The following TSPAN18 variants were observed in gnomAD, a reference collection of about 807,000 sequenced individuals.
The protein encoded by TSPAN18 is tetraspanin 18.
Under a neutral mutation model 27.3 loss-of-function variants are expected in TSPAN18, and 14 were observed. The ratio of observed to expected loss-of-function variants is 0.51; its 90% CI spans 0.34 to 0.80. The LOEUF (loss-of-function observed/expected upper bound fraction) is 0.80, where lower values mean the gene tolerates loss of function less well. TSPAN18 is among the 30% of genes least tolerant of loss of function. TSPAN18 has a pLI of 0.01. For synonymous variants in TSPAN18, 143 were observed against 136.5 expected, an observed-to-expected ratio of 1.05 and a Z score of -0.33; for missense variants, 268 against 323.9, an observed-to-expected ratio of 0.83 and a Z score of 1.32.
chr11:44,871,057 G>A (rs1399638430), intron 3 of TSPAN18, among the ~76,000 whole-genome samples: 1 of 152,170 alleles, frequency 6.6e-6, no homozygotes, highest in African/African-American at 2.4e-5. Flanking sequence ...AGCTTGTAGG[G>A]AAGAGTTTCC....
chr11:44,743,540 C>T (rs376765517), intron 1 of TSPAN18, among the ~76,000 whole-genome samples: 16 of 152,290 alleles, frequency 1.1e-4, no homozygotes, highest in South Asian at 4.1e-4. Context: ...CCGAGAATGG[C>T]GCTGGTGGGG....
intron 3 of TSPAN18, among the ~76,000 whole-genome samples, chr11:44,876,941 G>C (rs1262407126): frequency 6.6e-6 from 1 of 152,240 alleles, no homozygotes; most frequent in African/African-American, 2.4e-5. Context: ...ACGGAGCTGG[G>C]ACTGGGAAGA....
chr11:44,864,160 G>T (rs1323656093), intron 3 of TSPAN18, among the ~76,000 whole-genome samples: 1 of 151,864 alleles, frequency 6.6e-6, no homozygotes, highest in Non-Finnish European at 1.5e-5. Context: ...GGTGGCATTC[G>T]CCTGTAGTCC....
intron 2 of TSPAN18, among the ~76,000 whole-genome samples, chr11:44,818,583 A>G (rs1856860472): frequency 6.6e-6 from 1 of 152,072 alleles, no homozygotes; most frequent in African/African-American, 2.4e-5. Context: ...CTCCGGGAAG[A>G]GCTAGAGCAT....
At chr11:44,833,705 ACC>A (rs1326025805) in intron 2 of TSPAN18, among the ~76,000 whole-genome samples, 3 of 151,928 alleles carry the variant, frequency 2.0e-5, no homozygotes, top group Admixed American at 1.3e-4. Flanking sequence ...CAGGCAGGTC[ACC>A]CCACCGAGCA....
intron 1 of TSPAN18, among the ~76,000 whole-genome samples, chr11:44,735,223 CT>C (rs1336516343): frequency 6.6e-6 from 1 of 152,312 alleles, no homozygotes; most frequent in East Asian, 1.9e-4. Context: ...CCTCAGACAC[CT>C]CACTCACTCC....
intron 2 of TSPAN18, among the ~76,000 whole-genome samples, chr11:44,832,732 C>T (rs1857182048): frequency 6.6e-6 from 1 of 152,180 alleles, no homozygotes; most frequent in African/African-American, 2.4e-5. Flanking sequence ...CCTTGCTGCA[C>T]CTGCTCCTGC....
chr11:44,743,753 C>A (rs998183265), intron 1 of TSPAN18, among the ~76,000 whole-genome samples: 1 of 152,174 alleles, frequency 6.6e-6, no homozygotes, highest in Non-Finnish European at 1.5e-5. Context: ...TGCCTTACTT[C>A]CTGGTTGTGG....
At chr11:44,801,717 C>A (rs1856484275) in intron 2 of TSPAN18, among the ~76,000 whole-genome samples, 1 of 152,188 alleles carries the variant, frequency 6.6e-6, no homozygotes, top group Non-Finnish European at 1.5e-5. Context: ...TTTATCTCTT[C>A]ACCTGTAGAA....
intron 4 of TSPAN18, among the ~76,000 whole-genome samples, chr11:44,908,759 A>AAAG (rs3051392): frequency 0.25 from 10,640 of 42,038 alleles, 1,859 homozygotes; most frequent in South Asian, 0.38. Context: ...AGAGAGAGAG[A>AAAG]GAGAGAAAGG....
intron 2 of TSPAN18, among the ~76,000 whole-genome samples, chr11:44,797,845 A>G (rs12796912): frequency 0.44 from 66,626 of 152,076 alleles, 15,733 homozygotes; most frequent in Non-Finnish European, 0.52. Context: ...AGTGGGTGAC[A>G]TAGAGCACTA....
rs1860614929 is a variant in TSPAN18, at chr11:44,932,352, G to A, written c.*3174G>A. 6.6e-6 allele frequency: 1 copy of A among 152,202 alleles called. No homozygotes were observed. Among genetic ancestry groups the A allele is most frequent in the African/African-American group, 2.4e-5 (1 of 41,444 alleles). The allele number at this position is 152,202 out of a possible 1,614,324, so 9.4% of individuals were successfully genotyped here. A position where few individuals can be genotyped will look rare whatever the true frequency, so the allele number is the denominator to read the frequency against. On this transcript the variant is annotated 3_prime_UTR_variant, in exon 10 of 10. Transcript: ENST00000520358. ...TATAAAACAGGACGCCCACACTGAT[G>A]GTTTTGCACTGGTTTTTGTGAATGT...
intron 1 of TSPAN18, among the ~76,000 whole-genome samples, chr11:44,737,635 T>A (rs534120845): frequency 3.9e-5 from 6 of 152,266 alleles, no homozygotes; most frequent in African/African-American, 1.4e-4. Flanking sequence ...TAGGAAAACA[T>A]CTGTTGTGTA....
intron 3 of TSPAN18, among the ~76,000 whole-genome samples, chr11:44,874,634 G>T (rs1218636793): frequency 1.3e-5 from 2 of 152,208 alleles, no homozygotes; most frequent in Admixed American, 1.3e-4. Context: ...GGAGAAAGAG[G>T]AAAATGGTGA....
At chr11:44,748,191 T>G (rs1391403560) in intron 1 of TSPAN18, among the ~76,000 whole-genome samples, 1 of 152,184 alleles carries the variant, frequency 6.6e-6, no homozygotes, top group Non-Finnish European at 1.5e-5. Context: ...ACAGATCACT[T>G]GAGGCCAGGA....
intron 2 of TSPAN18, among the ~76,000 whole-genome samples, chr11:44,778,997 T>G (rs529244004): frequency 7.9e-5 from 12 of 152,086 alleles, no homozygotes; most frequent in Non-Finnish European, 1.6e-4. Flanking sequence ...GCTCGGTCTA[T>G]GCAGTAAGAG....
intron 1 of TSPAN18, among the ~76,000 whole-genome samples, chr11:44,754,776 A>G (rs1255597480): frequency 6.6e-6 from 1 of 152,184 alleles, no homozygotes; most frequent in Non-Finnish European, 1.5e-5. Context: ...TGCAGTTTAG[A>G]TGAAAAGGGA....
Position 44,814,685 on chromosome 11 carries a change from TCCAC to T in TSPAN18, c.-152-45630_-152-45627del, listed in dbSNP as rs1224000234. Among the ~76,000 whole-genome samples the T allele has an allele frequency of 9.8e-4, 145 of 148,406 alleles. 3 individuals are homozygous for T. The highest frequency in any genetic ancestry group is 9.0e-3 in the South Asian group (43 of 4,768). On this transcript the variant is annotated intron_variant, in intron 2 of 9. Transcript: ENST00000520358. ...ATCCATCCATCCATCCATCCATCCA[TCCAC>T]CCACCCACCCACTCATTCATCAATG...
At chr11:44,800,006 G>GGTTT (rs1554985027) in intron 2 of TSPAN18, among the ~76,000 whole-genome samples, 16 of 109,374 alleles carry the variant, frequency 1.5e-4, no homozygotes, top group South Asian at 3.0e-4. Flanking sequence ...AATTTTTTGT[G>GGTTT]TTTTTTTTTT....
Sources: allele counts gnomAD v4.1 joint callset (sites outside exome capture counted in the v4.1 genomes callset), GRCh38; gene constraint gnomAD v4.1.1; transcripts MANE v1.5; gene names NCBI Gene and HGNC (gene_info 2026-07-23, HGNC 2026-07-21).